Variants in EMB observed in about 807,000 individuals in gnomAD.
EMB encodes the protein embigin.
A neutral mutation model predicts 41.4 loss-of-function variants in EMB; 31 were observed. The observed-to-expected ratio is 0.75, with a 90% CI of 0.56 to 1.01. The LOEUF is 1.01. Among genes scored for constraint, EMB ranks in the 50% least tolerant of loss-of-function variants. The pLI is 0.00. For synonymous variants in EMB, 137 were observed against 140.4 expected, an observed-to-expected ratio of 0.98 and a Z score of 0.17; for missense variants, 379 against 388.3, an observed-to-expected ratio of 0.98 and a Z score of 0.20.
chr5:50,413,371 A>T (rs1287722736), intron 2 of EMB, among the ~76,000 whole-genome samples: 1 of 152,180 alleles, frequency 6.6e-6, no homozygotes, highest in East Asian at 1.9e-4. Context: ...CTTGAGGAAG[A>T]ATACCCCACT....
Position 50,397,455 on chromosome 5 carries a change from T to C in EMB, c.*1818A>G, listed in dbSNP as rs1191494057. ...ACCTTTGGGAAGCAATGCTTGTTGC[T>C]TGAAAATTGTATGAGCCTCAATGGT... is the stretch of plus-strand genomic sequence containing the variant. On this transcript the variant is annotated 3_prime_UTR_variant, in exon 9 of 9. Transcript: ENST00000303221. 1.3e-5 allele frequency: 2 copies of C among 152,142 alleles called. No homozygotes were observed. The highest frequency in any genetic ancestry group is 2.9e-5 in the Non-Finnish European group (2 of 68,024). The allele number at this position is 152,142 out of a possible 1,614,324, so 9.4% of individuals were successfully genotyped here. A position where few individuals can be genotyped will look rare whatever the true frequency, so the allele number is the denominator to read the frequency against.
upstream of EMB, among the ~76,000 whole-genome samples, chr5:50,441,547 T>G (rs2111887165): frequency 6.6e-6 from 1 of 152,312 alleles, no homozygotes; most frequent in East Asian, 1.9e-4. Flanking sequence ...CCTTTGCACT[T>G]CACCTGAGGC....
At chr5:50,412,204 G>C (rs1350963056) in intron 2 of EMB, among the ~76,000 whole-genome samples, 1 of 150,852 alleles carries the variant, frequency 6.6e-6, no homozygotes, top group African/African-American at 2.5e-5. Flanking sequence ...TAGGGAAGTT[G>C]AGGTGTTTAT....
At chr5:50,411,445 C>A (rs1745337054) in intron 2 of EMB, 62 bp from the exon 3 acceptor site, 2 of 1,144,498 alleles carry the variant, frequency 1.7e-6, no homozygotes, top group South Asian at 2.0e-5. Context: ...ACACATAAAA[C>A]CTTTTATATT....
chr5:50,428,010 C>T lies in EMB; in HGVS notation c.196+134G>A. ...CTCACCACATTAGATTCCCAGCTCA[C>T]TACTGGTATGTTTTCCCACCAGGCC... On this transcript the variant is annotated intron_variant, in intron 2 of 8. Transcript: ENST00000303221. 5 of 612,724 alleles carry T rather than the reference C, an allele frequency of 8.2e-6. No individual in the cohort carries two copies. The South Asian group carries it at 8.3e-5, about 10-fold the overall frequency. The allele number at this position is 612,724 out of a possible 1,614,324, so 38.0% of individuals were successfully genotyped here.
intron 7 of EMB, among the ~76,000 whole-genome samples, chr5:50,401,236 C>G (rs1745157243): frequency 6.6e-6 from 1 of 151,852 alleles, no homozygotes; most frequent in Non-Finnish European, 1.5e-5. Context: ...TATTTTGTGC[C>G]CTTAACTTGG....
At chr5:50,405,880 T>C (rs766545815) in intron 4 of EMB, 28 bp from the exon 5 acceptor site, 2 of 1,563,294 alleles carry the variant, frequency 1.3e-6, no homozygotes, top group South Asian at 1.2e-5. Flanking sequence ...AAATGTATGT[T>C]ACTGAAAGAG....
At chr5:50,437,359 C>G (rs1273246086) in intron 1 of EMB, among the ~76,000 whole-genome samples, 1 of 152,150 alleles carries the variant, frequency 6.6e-6, no homozygotes, top group Admixed American at 6.5e-5. Flanking sequence ...GGTCTTTGAT[C>G]ATTTGATCAA....
At chr5:50,419,767 A>G (rs189032955) in intron 2 of EMB, among the ~76,000 whole-genome samples, 39 of 152,282 alleles carry the variant, frequency 2.6e-4, no homozygotes, top group African/African-American at 8.4e-4. Flanking sequence ...CAGCAAAGAC[A>G]TAGAATTAAC....
chr5:50,429,571 T>C (rs1435924526), intron 1 of EMB, among the ~76,000 whole-genome samples: 1 of 152,214 alleles, frequency 6.6e-6, no homozygotes, highest in Non-Finnish European at 1.5e-5. Flanking sequence ...AAAGGTTTAA[T>C]CACTTCTAAA....
At position 50,397,364 on chromosome 5, in the gene EMB, A is replaced by G. The variant is rs1193782395; in HGVS notation, c.*1909T>C. On this transcript the variant is annotated 3_prime_UTR_variant, in exon 9 of 9. Coordinates refer to ENST00000303221, the MANE Select transcript of EMB (RefSeq NM_198449.3). The stretch of plus-strand genomic sequence containing the variant: ...GTTACTGAGATAAATTGTCTTTGCT[A>G]GAAAAAAATAAACAGTATTGCCAAT... 1 of 152,134 alleles carries G rather than the reference A, an allele frequency of 6.6e-6. No homozygotes were observed. The highest frequency in any genetic ancestry group is 1.9e-4 in the East Asian group (1 of 5,192). 9.4% of individuals were successfully genotyped at this position (152,134 alleles called of 1,614,324 possible). A position where few individuals can be genotyped will look rare whatever the true frequency, so the allele number is the denominator to read the frequency against.
At chr5:50,407,098 T>C (rs1398896469) in intron 4 of EMB, among the ~76,000 whole-genome samples, 1 of 151,988 alleles carries the variant, frequency 6.6e-6, no homozygotes, top group East Asian at 1.9e-4. Context: ...AAGGACACAG[T>C]TTCCGCTTTC....
intron 4 of EMB, among the ~76,000 whole-genome samples, chr5:50,408,320 T>C (rs1271600414): frequency 6.6e-6 from 1 of 151,982 alleles, no homozygotes; most frequent in Non-Finnish European, 1.5e-5. Flanking sequence ...AGAAACACTA[T>C]AGACCATCAC....
chr5:50,410,538 C>T (rs1309140565), intron 4 of EMB, among the ~76,000 whole-genome samples: 1 of 152,030 alleles, frequency 6.6e-6, no homozygotes, highest in Non-Finnish European at 1.5e-5. Flanking sequence ...GCTGGGACCA[C>T]AATAACTTAG....
intron 1 of EMB, among the ~76,000 whole-genome samples, chr5:50,435,629 T>C (rs1185160617): frequency 2.0e-5 from 3 of 152,212 alleles, no homozygotes; most frequent in Non-Finnish European, 4.4e-5. Flanking sequence ...TACCATTTTT[T>C]TGGTCTTTGA....
intron 4 of EMB, among the ~76,000 whole-genome samples, chr5:50,407,519 T>A (rs1351823457): frequency 1.3e-5 from 2 of 152,134 alleles, no homozygotes; most frequent in East Asian, 3.9e-4. Context: ...TTTCTTGCCA[T>A]CTCTTCAGTT....
chr5:50,409,345 A>G (rs1745297374), intron 4 of EMB, among the ~76,000 whole-genome samples: 1 of 152,136 alleles, frequency 6.6e-6, no homozygotes, highest in African/African-American at 2.4e-5. Context: ...TATTGAAAGC[A>G]GGTATGACTA....
intron 2 of EMB, among the ~76,000 whole-genome samples, chr5:50,413,872 T>A (rs1268697276): frequency 6.6e-6 from 1 of 152,146 alleles, no homozygotes; most frequent in Non-Finnish European, 1.5e-5. Flanking sequence ...CCTGGTTTTT[T>A]CAATAGACAA....
At chr5:50,440,795 TGTTC>T (rs1350211858) in intron 1 of EMB, among the ~76,000 whole-genome samples, 1 of 152,064 alleles carries the variant, frequency 6.6e-6, no homozygotes, top group East Asian at 1.9e-4. Context: ...CGCGGGGCGC[TGTTC>T]GTTCAAGACT....
Sources: gnomAD v4.1 joint callset for allele counts (sites outside exome capture counted in the v4.1 genomes callset) on GRCh38, gnomAD v4.1.1 for gene constraint, MANE v1.5 for transcripts, NCBI Gene and HGNC (gene_info 2026-07-23, HGNC 2026-07-21) for gene names.